The following LEKR1 variants were observed in gnomAD, a reference collection of about 807,000 sequenced individuals.
The protein encoded by LEKR1 is leucine, glutamate and lysine rich 1, also known as protein LEKR1.
A neutral mutation model predicts 72.4 loss-of-function variants in LEKR1; 59 were observed. The ratio of observed to expected loss-of-function variants is 0.82; its 90% confidence interval spans 0.66 to 1.01. The LOEUF (loss-of-function observed/expected upper bound fraction) is 1.01, where lower values mean the gene tolerates loss of function less well. Among genes scored for constraint, LEKR1 ranks in the 50% least tolerant of loss-of-function variants. The pLI is 0.00. For missense variants in LEKR1, 728 were observed against 759.2 expected, an observed-to-expected ratio of 0.96 and a Z score of 0.48; for synonymous variants, 257 against 263.2, an observed-to-expected ratio of 0.98 and a Z score of 0.23.
chr3:156,925,943 T>A (rs561677239), intron 4 of LEKR1, among the ~76,000 whole-genome samples: 1 of 151,982 alleles, frequency 6.6e-6, no homozygotes, highest in Non-Finnish European at 1.5e-5. Context: ...GTATATAATT[T>A]TTAAAATTAA....
chr3:157,008,860 G>A (rs572071704), intron 9 of LEKR1, among the ~76,000 whole-genome samples: 70 of 152,022 alleles, frequency 4.6e-4, no homozygotes, highest in Non-Finnish European at 8.7e-4. Flanking sequence ...ATGTAGCTGA[G>A]GATTATTCAT....
intron 3 of LEKR1, among the ~76,000 whole-genome samples, chr3:156,897,098 C>G (rs921337404): frequency 1.3e-5 from 2 of 152,148 alleles, no homozygotes; most frequent in Admixed American, 1.3e-4. Flanking sequence ...CTATTGGGTA[C>G]TATGCTTATT....
intron 3 of LEKR1, among the ~76,000 whole-genome samples, chr3:156,899,468 GTATA>G (rs1560063871): frequency 3.3e-3 from 208 of 63,900 alleles, no homozygotes; most frequent in Non-Finnish European, 5.5e-3. Flanking sequence ...ATATATACAT[GTATA>G]TATACATACA....
At chr3:156,855,056 C>T (rs1715878690) in intron 3 of LEKR1, among the ~76,000 whole-genome samples, 1 of 151,788 alleles carries the variant, frequency 6.6e-6, no homozygotes, top group Non-Finnish European at 1.5e-5. Flanking sequence ...CTATAATTTA[C>T]TTAATCAATT....
In LEKR1 at chr3:157,045,873, T is replaced by C. The variant is rs972826453; in HGVS notation, c.*123T>C. The C allele has an allele frequency of 3.0e-5, 26 of 853,344 alleles. No individual in the cohort carries two copies. In the East Asian group the frequency reaches 3.9e-4, roughly 13 times the overall value. 52.9% of individuals were successfully genotyped at this position (853,344 alleles called of 1,614,324 possible). ...TTCACAGATCAGGAAGGCATACCTA[T>C]AGATGTATTTAACAAAAGACTGTAA... is the stretch of plus-strand genomic sequence containing the variant. On this transcript the variant is annotated 3_prime_UTR_variant, in exon 13 of 13. Transcript: ENST00000356539.
chr3:157,040,040 T>C (rs1006550604), intron 12 of LEKR1, among the ~76,000 whole-genome samples: 16 of 151,960 alleles, frequency 1.1e-4, no homozygotes, highest in African/African-American at 3.9e-4. Flanking sequence ...GGAGGATGAG[T>C]GAACTGACCA....
At chr3:156,969,855 T>C (rs1396409218) in intron 6 of LEKR1, among the ~76,000 whole-genome samples, 1 of 152,170 alleles carries the variant, frequency 6.6e-6, no homozygotes. Context: ...CTGATGAACA[T>C]CAATGCAAAA....
intron 12 of LEKR1, among the ~76,000 whole-genome samples, chr3:157,038,642 G>A (rs1053534470): frequency 5.3e-5 from 8 of 152,088 alleles, no homozygotes; most frequent in Non-Finnish European, 8.8e-5. Context: ...GAAGAAAACC[G>A]GAAGAGAACA....
At chr3:156,838,964 TA>T (rs1713530915) in intron 2 of LEKR1, among the ~76,000 whole-genome samples, 1 of 152,094 alleles carries the variant, frequency 6.6e-6, no homozygotes, top group African/African-American at 2.4e-5. Context: ...GAGATGGAGT[TA>T]TTACTCAAAT....
At chr3:156,910,392 C>A (rs1437220908) in intron 3 of LEKR1, among the ~76,000 whole-genome samples, 1 of 152,060 alleles carries the variant, frequency 6.6e-6, no homozygotes, top group African/African-American at 2.4e-5. Flanking sequence ...TTTTCAGTTC[C>A]TGTATTAATT....
chr3:157,011,516 G>T lies in LEKR1; in HGVS notation c.1203+10G>T, dbSNP rs763373114. ...TAACTGGAAGGAGAAGGTAATGGTA[G>T]TGTGGCTTTCATCAGCATGCAACCT... On this transcript the variant is annotated intron_variant, in intron 10 of 12. Transcript: ENST00000356539. 2.8e-5 allele frequency: 44 copies of T among 1,591,574 alleles called. No homozygotes were observed. Among genetic ancestry groups the T allele is most frequent in the Non-Finnish European group, 3.4e-5 (40 of 1,159,846 alleles).
intron 2 of LEKR1, among the ~76,000 whole-genome samples, chr3:156,843,360 CAGTT>C (rs1271491136): frequency 6.6e-6 from 1 of 152,140 alleles, no homozygotes; most frequent in Admixed American, 6.5e-5. Flanking sequence ...GTGGAAAAAT[CAGTT>C]AGTTTGCAGA....
chr3:156,916,861 T>G (rs958740285), intron 3 of LEKR1, among the ~76,000 whole-genome samples: 2 of 152,164 alleles, frequency 1.3e-5, no homozygotes, highest in African/African-American at 4.8e-5. Context: ...CTTCCAGCCT[T>G]TGCCTATTCA....
At chr3:156,978,978 T>C (rs1729942414) in intron 6 of LEKR1, among the ~76,000 whole-genome samples, 1 of 152,116 alleles carries the variant, frequency 6.6e-6, no homozygotes, top group African/African-American at 2.4e-5. Context: ...GGCCAACAAA[T>C]TGGGCCTGTC....
At chr3:156,877,654 G>C (rs944832834) in intron 3 of LEKR1, among the ~76,000 whole-genome samples, 2 of 151,968 alleles carry the variant, frequency 1.3e-5, no homozygotes, top group African/African-American at 4.8e-5. Flanking sequence ...CAGTTGTATT[G>C]GTTGTAATAT....
intron 6 of LEKR1, among the ~76,000 whole-genome samples, chr3:156,947,480 G>C (rs1224110614): frequency 6.6e-6 from 1 of 151,052 alleles, no homozygotes; most frequent in Non-Finnish European, 1.5e-5. Flanking sequence ...TGAAAATATT[G>C]TAAGTAAAAA....
intron 9 of LEKR1, among the ~76,000 whole-genome samples, chr3:157,000,271 C>A (rs1213928919): frequency 5.3e-5 from 8 of 152,032 alleles, no homozygotes; most frequent in Non-Finnish European, 8.8e-5. Flanking sequence ...TTCACAACTG[C>A]ATTCTAAAAA....
Position 157,019,544 on chromosome 3 carries a change from G to C in LEKR1, c.1204-5216G>C, listed in dbSNP as rs111843216. On this transcript the variant is annotated intron_variant, in intron 10 of 12. Coordinates refer to ENST00000356539, the MANE Select transcript of LEKR1 (RefSeq NM_001004316.3). Reference sequence around the variant, plus strand: ...CAAAGATAATAATTGATTTTACTTTGTGTAATTCTTAAGTTAATATTATTC... The same window carrying C: ...CAAAGATAATAATTGATTTTACTTTCTGTAATTCTTAAGTTAATATTATTC... Among the ~76,000 whole-genome samples, 218 of 152,166 alleles carry C rather than the reference G, an allele frequency of 1.4e-3. 1 individual carries two copies. The highest frequency in any genetic ancestry group is 5.1e-3 in the African/African-American group (210 of 41,530).
intron 4 of LEKR1, among the ~76,000 whole-genome samples, chr3:156,923,858 G>A (rs1236817344): frequency 6.6e-6 from 1 of 151,960 alleles, no homozygotes; most frequent in Non-Finnish European, 1.5e-5. Context: ...CTCCCGAGTA[G>A]CTGGGACTAC....
Sources: gnomAD v4.1 joint callset for allele counts (sites outside exome capture counted in the v4.1 genomes callset) on GRCh38, gnomAD v4.1.1 for gene constraint, MANE v1.5 for transcripts, NCBI Gene and HGNC (gene_info 2026-07-23, HGNC 2026-07-21) for gene names.